The following CHODL variants were observed in gnomAD, a reference collection of about 807,000 sequenced individuals.
The protein encoded by CHODL is transmembrane protein MT75.
Under a neutral mutation model 34.5 loss-of-function variants are expected in CHODL, and 29 were observed. The observed-to-expected ratio is 0.84, with a 90% CI of 0.63 to 1.15. The LOEUF (loss-of-function observed/expected upper bound fraction) is 1.15. Among genes scored for constraint, CHODL ranks in the 50% most tolerant of loss-of-function variants. The probability of loss-of-function intolerance (pLI) is 0.00; values close to 1 mark genes in which losing one functional copy is unlikely to be tolerated. For synonymous variants in CHODL, 125 were observed against 116.1 expected, an observed-to-expected ratio of 1.08 and a Z score of -0.49; for missense variants, 332 against 332.5, an observed-to-expected ratio of 1.00 and a Z score of 0.01.
At chr21:18,140,574 A>G (rs1343137315) in intron 2 of CHODL, among the ~76,000 whole-genome samples, 1 of 152,174 alleles carries the variant, frequency 6.6e-6, no homozygotes, top group Non-Finnish European at 1.5e-5. Flanking sequence ...CTTTTCTATA[A>G]TGGCTCACTG....
At chr21:18,025,246 CTG>C (rs1252740704) in intron 1 of CHODL, among the ~76,000 whole-genome samples, 4 of 152,180 alleles carry the variant, frequency 2.6e-5, no homozygotes, top group African/African-American at 9.6e-5. Flanking sequence ...ATCAGACAGT[CTG>C]TGTCACTACT....
chr21:17,925,017 T>C (rs1019767435), intron 1 of CHODL, among the ~76,000 whole-genome samples: 28 of 152,180 alleles, frequency 1.8e-4, no homozygotes, highest in African/African-American at 6.5e-4. Context: ...ATAAAAAGAA[T>C]AGTCTGGAAC....
intron 1 of CHODL, among the ~76,000 whole-genome samples, chr21:17,928,667 A>G (rs2063247428): frequency 6.6e-6 from 1 of 152,228 alleles, no homozygotes; most frequent in South Asian, 2.1e-4. Context: ...GAGTAGGAGA[A>G]CAATGAAAGG....
At chr21:18,171,238 C>T (rs1161060506) in intron 2 of CHODL, among the ~76,000 whole-genome samples, 3 of 76,796 alleles carry the variant, frequency 3.9e-5, no homozygotes, top group African/African-American at 1.8e-4. Context: ...CTCGCTCTGT[C>T]GCCCAGGCCA....
chr21:18,054,819 G>A (rs1376944324), intron 2 of CHODL, among the ~76,000 whole-genome samples: 2 of 151,788 alleles, frequency 1.3e-5, no homozygotes, highest in Non-Finnish European at 2.9e-5. Context: ...TATAATTTTT[G>A]TATGTCAATT....
chr21:18,166,156 G>A (rs1042008496), intron 2 of CHODL, among the ~76,000 whole-genome samples: 1 of 152,168 alleles, frequency 6.6e-6, no homozygotes, highest in African/African-American at 2.4e-5. Context: ...GCTCGGGGCT[G>A]AGGACCCTGT....
intron 1 of CHODL, among the ~76,000 whole-genome samples, chr21:17,924,055 G>A (rs1320747653): frequency 6.6e-6 from 1 of 152,190 alleles, no homozygotes; most frequent in Non-Finnish European, 1.5e-5. Flanking sequence ...GGGATAGAGT[G>A]TCTGATATTT....
At chr21:17,975,989 A>G (rs1315141660) in intron 1 of CHODL, among the ~76,000 whole-genome samples, 1 of 152,198 alleles carries the variant, frequency 6.6e-6, no homozygotes, top group Non-Finnish European at 1.5e-5. Flanking sequence ...TAGTTTCACA[A>G]AGACTATATG....
At chr21:18,045,998 T>C (rs1372462980) in intron 2 of CHODL, among the ~76,000 whole-genome samples, 1 of 151,942 alleles carries the variant, frequency 6.6e-6, no homozygotes. Flanking sequence ...AATTATTCCA[T>C]CTTAGGTATC....
chr21:18,170,636 A>G lies in CHODL; in HGVS notation c.-44-85873A>G, dbSNP rs1332769836. 3.3e-5 allele frequency among the ~76,000 whole-genome samples: 5 copies of G among 152,140 alleles called. No individual in the cohort carries two copies. The East Asian group carries it at 9.6e-4, about 29-fold the overall frequency. ...ATAACACTCTATTTCAGTTAATACC[A>G]ACTTAATTTCAATTGTATATCAAAA... On this transcript the variant is annotated intron_variant, in intron 2 of 6. Coordinates refer to the CHODL transcript ENST00000400127.
intron 2 of CHODL, among the ~76,000 whole-genome samples, chr21:18,061,130 G>A (rs553513046): frequency 1.1e-4 from 17 of 152,252 alleles, no homozygotes; most frequent in African/African-American, 3.9e-4. Flanking sequence ...CAACTAAATT[G>A]GCAAAGGAAG....
intron 2 of CHODL, among the ~76,000 whole-genome samples, chr21:18,033,141 A>G (rs1386055878): frequency 6.6e-6 from 1 of 152,056 alleles, no homozygotes; most frequent in Non-Finnish European, 1.5e-5. Flanking sequence ...TGATAGGATG[A>G]TATACCAATG....
At chr21:18,129,890 CTCTGTGTGTGTGTG>C (rs1477205993) in intron 2 of CHODL, among the ~76,000 whole-genome samples, 8 of 113,468 alleles carry the variant, frequency 7.1e-5, no homozygotes, top group Non-Finnish European at 8.6e-5. Context: ...CTCTGTCTTT[CTCTGTGTGTGTGTG>C]TGTGTGTGTG....
intron 2 of CHODL, among the ~76,000 whole-genome samples, chr21:18,049,039 C>T (rs1420784082): frequency 6.6e-6 from 1 of 151,820 alleles, no homozygotes; most frequent in African/African-American, 2.4e-5. Context: ...AATTACAAAA[C>T]AATACAAAAT....
intron 2 of CHODL, among the ~76,000 whole-genome samples, chr21:18,208,866 T>TC (rs201147747): frequency 4.1e-5 from 6 of 147,976 alleles, no homozygotes; most frequent in Admixed American, 6.8e-5. Context: ...TCTCTCTCTG[T>TC]CCCCCCCACC....
At chr21:17,949,107 G>T (rs1246909275) in intron 1 of CHODL, among the ~76,000 whole-genome samples, 1 of 152,108 alleles carries the variant, frequency 6.6e-6, no homozygotes, top group African/African-American at 2.4e-5. Flanking sequence ...TGGTGTTAGT[G>T]GTGGTTACAA....
chr21:17,983,281 G>A (rs1051184633), intron 1 of CHODL, among the ~76,000 whole-genome samples: 3 of 151,992 alleles, frequency 2.0e-5, no homozygotes, highest in Non-Finnish European at 4.4e-5. Context: ...ACTTAACAAC[G>A]TCCCTATTTT....
rs536217143 is a variant in CHODL, at chr21:18,215,820, A to C, written c.-44-40689A>C. 3.9e-5 allele frequency among the ~76,000 whole-genome samples: 6 copies of C among 152,262 alleles called. No homozygotes were observed. The South Asian group carries it at 1.2e-3, about 32-fold the overall frequency. ...TACATCTGGAGAACTCGCTACTTCT[A>C]TCTATGAGTTTACTCTCAAACTTCT... On this transcript the variant is annotated intron_variant, in intron 2 of 6. Transcript: ENST00000400127.
In CHODL at chr21:17,924,458, A is replaced by T. The variant is rs150412958; in HGVS notation, c.-145+7058A>T. 1.1e-3 allele frequency among the ~76,000 whole-genome samples: 170 copies of T among 152,326 alleles called. 1 individual carries two copies. The highest frequency in any genetic ancestry group is 2.0e-3 in the Non-Finnish European group (138 of 68,024). On this transcript the variant is annotated intron_variant, in intron 1 of 6. Transcript: ENST00000400127. ...GATGTGAGATCACAACTGTGTCACC[A>T]TGGAGCAGCTGTGCACTTTCCTGCC...
Sources: gnomAD v4.1 joint callset for allele counts (sites outside exome capture counted in the v4.1 genomes callset) on GRCh38, gnomAD v4.1.1 for gene constraint, MANE v1.5 for transcripts, NCBI Gene and HGNC (gene_info 2026-07-23, HGNC 2026-07-21) for gene names.